USH2A: variants seen among roughly 807,000 people sequenced by gnomAD.
The protein encoded by USH2A is usherin, also known as Usher syndrome 2A (autosomal recessive, mild).
A neutral mutation model predicts 538.9 loss-of-function variants in USH2A; 443 were observed. The ratio of observed to expected loss-of-function variants is 0.82; its 90% CI spans 0.76 to 0.89. The LOEUF (loss-of-function observed/expected upper bound fraction) is 0.89. Among genes scored for constraint, USH2A ranks in the 40% least tolerant of loss-of-function variants. USH2A has a pLI of 0.00. For missense variants in USH2A, 6,633 were observed against 6,324.8 expected, an observed-to-expected ratio of 1.05 and a Z score of -1.65; for synonymous variants, 2,413 against 2,273.5, an observed-to-expected ratio of 1.06 and a Z score of -1.75.
chr1:215,967,972 C>T (rs1667396233), intron 36 of USH2A, among the ~76,000 whole-genome samples: 1 of 152,086 alleles, frequency 6.6e-6, no homozygotes, highest in Non-Finnish European at 1.5e-5. Context: ...ATCTTAGACT[C>T]CACTAGTGTT....
At chr1:215,899,323 A>G (rs1216141392) in intron 40 of USH2A, among the ~76,000 whole-genome samples, 1 of 152,226 alleles carries the variant, frequency 6.6e-6, no homozygotes, top group Non-Finnish European at 1.5e-5. Context: ...GATTAACTCA[A>G]AAAACCTAAC....
intron 52 of USH2A, 86 bp downstream of exon 52, chr1:215,786,584 T>C: frequency 1.4e-6 from 2 of 1,426,148 alleles, no homozygotes; most frequent in Non-Finnish European, 9.9e-7. Flanking sequence ...TAAGGAGAGT[T>C]GATGTCAGAG....
chr1:216,017,048 T>A (rs185082206), intron 32 of USH2A, among the ~76,000 whole-genome samples: 143 of 152,266 alleles, frequency 9.4e-4, no homozygotes, highest in Middle Eastern at 6.8e-3. Context: ...TTCCTGAACA[T>A]CTCTAATACC....
At chr1:215,697,298 G>C (rs1478313645) in intron 61 of USH2A, among the ~76,000 whole-genome samples, 1 of 152,028 alleles carries the variant, frequency 6.6e-6, no homozygotes, top group Admixed American at 6.6e-5. Context: ...CATGGCTAAA[G>C]ATTACTCTCT....
chr1:215,745,135 C>T (rs1191975781), intron 58 of USH2A, among the ~76,000 whole-genome samples: 1 of 152,100 alleles, frequency 6.6e-6, no homozygotes, highest in Non-Finnish European at 1.5e-5. Flanking sequence ...TCCCATTTTC[C>T]TAGGATGGAA....
intron 44 of USH2A, among the ~76,000 whole-genome samples, chr1:215,850,051 A>T (rs542214059): frequency 6.6e-6 from 1 of 152,294 alleles, no homozygotes; most frequent in South Asian, 2.1e-4. Flanking sequence ...ATTAATCAAG[A>T]TCCAGAACTC....
At chr1:216,215,153 C>T (rs2035319410) in intron 15 of USH2A, among the ~76,000 whole-genome samples, 1 of 151,954 alleles carries the variant, frequency 6.6e-6, no homozygotes, top group Non-Finnish European at 1.5e-5. Context: ...TGACAGCCCA[C>T]CAAAAATAAA....
chr1:215,728,134 G>A lies in USH2A; in HGVS notation c.11962C>T (p.Pro3988Ser). The change falls in exon 61 of 72, where the codon CCA (proline) becomes TCA (serine). Residue 3988 changes from proline to serine, a missense_variant. By Grantham distance (74) the Pro-to-Ser change is moderately conservative (BLOSUM62 -1). Coordinates refer to ENST00000307340, the MANE Select transcript of USH2A (RefSeq NM_206933.4). ...GAGATAATGCCATTGGGAGATTCTG[G>A]CTTTGTCCAATTCAACAGAACTGAA... is the stretch of plus-strand genomic sequence containing the variant. ...AHSVLLNWTK[P>S]ESPNGIISHY... 1.2e-6 allele frequency: 2 copies of A among 1,614,160 alleles called. No homozygotes were observed. Among genetic ancestry groups the A allele is most frequent in the Non-Finnish European group, 1.7e-6 (2 of 1,180,036 alleles).
chr1:215,665,028 T>C (rs1474267839), intron 64 of USH2A, among the ~76,000 whole-genome samples: 1 of 152,220 alleles, frequency 6.6e-6, no homozygotes, highest in Non-Finnish European at 1.5e-5. Context: ...GTAGAAGATG[T>C]TGGCCTTTCT....
intron 30 of USH2A, among the ~76,000 whole-genome samples, chr1:216,066,786 T>C (rs557218880): frequency 5.3e-5 from 8 of 152,188 alleles, no homozygotes; most frequent in South Asian, 2.1e-4. Context: ...ATATTTTCAA[T>C]ATTCTTCTGA....
intron 37 of USH2A, among the ~76,000 whole-genome samples, chr1:215,959,663 C>A (rs1293009885): frequency 6.6e-6 from 1 of 152,060 alleles, no homozygotes; most frequent in South Asian, 2.1e-4. Flanking sequence ...TCTTTTTTCC[C>A]CCACAGTAAT....
At chr1:216,391,723 A>G (rs1239729825) in intron 3 of USH2A, among the ~76,000 whole-genome samples, 1 of 152,190 alleles carries the variant, frequency 6.6e-6, no homozygotes, top group Non-Finnish European at 1.5e-5. Context: ...CATTTTACCA[A>G]CAAGAGAACT....
intron 3 of USH2A, among the ~76,000 whole-genome samples, chr1:216,370,349 A>C (rs1439241589): frequency 1.3e-5 from 2 of 151,716 alleles, no homozygotes; most frequent in Admixed American, 1.3e-4. Flanking sequence ...CGACAGAGTG[A>C]GACTCTATCC....
chr1:215,629,816 C>T (rs1282768790), intron 70 of USH2A, among the ~76,000 whole-genome samples: 2 of 143,232 alleles, frequency 1.4e-5, no homozygotes, highest in East Asian at 4.0e-4. Flanking sequence ...TGCTCTTTCG[C>T]CCAGGCTGGA....
chr1:215,760,175 A>C (rs759667640), intron 56 of USH2A, among the ~76,000 whole-genome samples: 7 of 152,172 alleles, frequency 4.6e-5, no homozygotes, highest in Non-Finnish European at 1.0e-4. Flanking sequence ...GAATATGTGA[A>C]AGTAAGCATA....
chr1:216,231,816 G>C (rs1411884434), intron 14 of USH2A, 137 bp downstream of exon 14: 1 of 1,015,164 alleles, frequency 9.9e-7, no homozygotes, highest in East Asian at 2.4e-5. Flanking sequence ...GTCTCTCAAA[G>C]TGCTGGGATT....
At chr1:216,288,113 G>GAT (rs199752059) in intron 11 of USH2A, among the ~76,000 whole-genome samples, 2,277 of 152,118 alleles carry the variant, frequency 0.015, 18 homozygotes, top group South Asian at 0.024. Flanking sequence ...CTCAAAATAT[G>GAT]ATATATCAAT....
chr1:215,937,440 T>C (rs572263924), intron 37 of USH2A, among the ~76,000 whole-genome samples: 1 of 152,084 alleles, frequency 6.6e-6, no homozygotes, highest in Non-Finnish European at 1.5e-5. Flanking sequence ...TCCAACTGCA[T>C]GCAAGGAGAA....
intron 61 of USH2A, among the ~76,000 whole-genome samples, chr1:215,690,713 A>G (rs1329937808): frequency 7.8e-6 from 1 of 128,102 alleles, no homozygotes; most frequent in Non-Finnish European, 1.7e-5. Flanking sequence ...TTAGGCCAAA[A>G]ACTTTGGATT....
Sources: allele counts gnomAD v4.1 joint callset (sites outside exome capture counted in the v4.1 genomes callset), GRCh38; gene constraint gnomAD v4.1.1; transcripts MANE v1.5; gene names NCBI Gene and HGNC (gene_info 2026-07-23, HGNC 2026-07-21).